The following HYDIN variants were observed in gnomAD, a reference collection of about 807,000 sequenced individuals.
HYDIN encodes HYDIN axonemal central pair apparatus protein, also known as axonemal central pair apparatus protein HYDIN.
In HYDIN, 132 loss-of-function variants were observed where a neutral mutation model predicts 403.9. The ratio of observed to expected loss-of-function variants is 0.33; its 90% CI spans 0.28 to 0.38. HYDIN has a LOEUF of 0.38. HYDIN is among the 10% of genes least tolerant of loss of function. The pLI is 1.00. For missense variants in HYDIN, 2,827 were observed against 5,009.5 expected, an observed-to-expected ratio of 0.56 and a Z score of 13.15; for synonymous variants, 1,202 against 1,891.7, an observed-to-expected ratio of 0.64 and a Z score of 9.46.
At chr16:70,912,010 G>A (rs1261450638) in intron 47 of HYDIN, among the ~76,000 whole-genome samples, 1 of 151,738 alleles carries the variant, frequency 6.6e-6, no homozygotes, top group Non-Finnish European at 1.5e-5. Context: ...ATCTTTCTAG[G>A]GAGTCTTCAG....
intron 9 of HYDIN, 68 bp from the exon 10 acceptor site, chr16:71,115,863 T>C: frequency 1.2e-6 from 1 of 836,402 alleles, no homozygotes; most frequent in Non-Finnish European, 2.0e-6. Context: ...TAAGTGTTAT[T>C]ACATTAAAAC....
At chr16:71,084,338 G>A (rs2082871115) in intron 12 of HYDIN, among the ~76,000 whole-genome samples, 1 of 131,042 alleles carries the variant, frequency 7.6e-6, no homozygotes, top group African/African-American at 3.4e-5. Flanking sequence ...CTGATTATCT[G>A]AAAACTATTG....
intron 23 of HYDIN, among the ~76,000 whole-genome samples, chr16:71,002,371 C>A (rs2079747512): frequency 6.6e-6 from 1 of 151,876 alleles, no homozygotes; most frequent in African/African-American, 2.4e-5. Flanking sequence ...CATAATGAGA[C>A]CCCCATCTCT....
chr16:71,127,325 TC>T (rs923354052), intron 9 of HYDIN, among the ~76,000 whole-genome samples: 1 of 138,780 alleles, frequency 7.2e-6, no homozygotes, highest in Non-Finnish European at 1.5e-5. Flanking sequence ...TGGCATCACC[TC>T]CCCCCCGACA....
chr16:70,825,029 G>C (rs1351029017), intron 83 of HYDIN, among the ~76,000 whole-genome samples: 1 of 151,780 alleles, frequency 6.6e-6, no homozygotes, highest in East Asian at 1.9e-4. Context: ...CAAAGTGTTG[G>C]GATTACAGAG....
chr16:71,000,901 C>T (rs1309255225), intron 23 of HYDIN, among the ~76,000 whole-genome samples: 3 of 152,222 alleles, frequency 2.0e-5, no homozygotes, highest in Admixed American at 6.5e-5. Context: ...CTAACAGTAT[C>T]GTATTTGTAA....
chr16:70,962,077 C>T lies in HYDIN; in HGVS notation c.5850G>A (p.Leu1950=), dbSNP rs2078436867. ...GTSNSTKRTS[L]SRGISVTSNL... ...TGGATGTGACAGAGATCCCTCGGCT[C>T]AGCGATGTCCTCTTTGTGCTATTGG... Residue 1950 remains leucine (L), a synonymous_variant, in exon 38 of 86, where the codon CTG becomes CTA. Transcript: ENST00000393567. The T allele has an allele frequency of 5.9e-6, 6 of 1,024,538 alleles. No individual in the cohort carries two copies. The highest frequency in any genetic ancestry group is 8.6e-6 in the Non-Finnish European group (6 of 698,082). The allele number at this position is 1,024,538 out of a possible 1,614,324, so 63.5% of individuals were successfully genotyped here. A position where few individuals can be genotyped will look rare whatever the true frequency, so the allele number is the denominator to read the frequency against.
At chr16:71,124,565 C>A (rs2084378065) in intron 9 of HYDIN, among the ~76,000 whole-genome samples, 1 of 150,234 alleles carries the variant, frequency 6.7e-6, no homozygotes, top group Admixed American at 6.6e-5. Flanking sequence ...TTCTCTGATG[C>A]ATTTGAAGAT....
intron 10 of HYDIN, among the ~76,000 whole-genome samples, chr16:71,100,459 C>A (rs926621435): frequency 6.6e-6 from 1 of 151,998 alleles, no homozygotes; most frequent in Non-Finnish European, 1.5e-5. Flanking sequence ...GAAGGAAAAA[C>A]AAATTGGGAG....
At chr16:71,073,848 C>T (rs1156794845) in intron 13 of HYDIN, among the ~76,000 whole-genome samples, 18 of 152,136 alleles carry the variant, frequency 1.2e-4, no homozygotes, top group African/African-American at 4.3e-4. Context: ...CTGACTCTCT[C>T]ATGCTACTGC....
At chr16:71,071,700 G>A (rs555484207) in intron 13 of HYDIN, among the ~76,000 whole-genome samples, 8 of 151,952 alleles carry the variant, frequency 5.3e-5, no homozygotes, top group Non-Finnish European at 7.4e-5. Flanking sequence ...AACTAGCAGC[G>A]GAAGATCACA....
intron 39 of HYDIN, among the ~76,000 whole-genome samples, chr16:70,957,351 G>A (rs2143938777): frequency 6.8e-6 from 1 of 146,970 alleles, no homozygotes. Flanking sequence ...TTTTGAGATG[G>A]AGTCTCGCCC....
chr16:71,187,009 G>T, intron 1 of HYDIN, 91 bp from the exon 2 acceptor site: 1 of 788,190 alleles, frequency 1.3e-6, no homozygotes, highest in Non-Finnish European at 2.0e-6. Context: ...AATACAGGAA[G>T]GTTTAGAAAA....
chr16:71,176,140 C>T (rs1340465270), intron 4 of HYDIN, among the ~76,000 whole-genome samples: 1 of 125,780 alleles, frequency 8.0e-6, no homozygotes, highest in East Asian at 1.9e-4. Context: ...CTCATCTCTA[C>T]TAAAAATACA....
intron 5 of HYDIN, among the ~76,000 whole-genome samples, chr16:71,171,810 A>T (rs2086474588): frequency 6.6e-6 from 1 of 152,222 alleles, no homozygotes; most frequent in African/African-American, 2.4e-5. Context: ...TCTCATCTGT[A>T]GGCTAACCTC....
At chr16:70,917,887 C>T (rs1203062687) in intron 47 of HYDIN, among the ~76,000 whole-genome samples, 3 of 151,694 alleles carry the variant, frequency 2.0e-5, no homozygotes, top group East Asian at 1.9e-4. Context: ...GCTAGTTTTG[C>T]TTATTTTCTT....
intron 41 of HYDIN, among the ~76,000 whole-genome samples, chr16:70,950,745 G>A (rs1376197007): frequency 6.6e-6 from 1 of 151,846 alleles, no homozygotes; most frequent in Non-Finnish European, 1.5e-5. Context: ...AGGCTATAAC[G>A]AGATCCACCC....
intron 45 of HYDIN, among the ~76,000 whole-genome samples, chr16:70,928,823 T>TG (rs1344236201): frequency 3.0e-5 from 3 of 100,702 alleles, no homozygotes; most frequent in Non-Finnish European, 6.2e-5. Flanking sequence ...GAAGGCAAAT[T>TG]GAGAGGGATG....
rs1388206934 is a variant in HYDIN, at chr16:71,084,381, C to T, written c.1670+3920G>A. 6.8e-5 allele frequency among the ~76,000 whole-genome samples: 7 copies of T among 102,870 alleles called. 3 individuals carry two copies. Among genetic ancestry groups the T allele is most frequent in the Non-Finnish European group, 1.2e-4 (7 of 57,876 alleles). The allele number at this position is 102,870 out of a possible 152,430, so 67.5% of individuals were successfully genotyped here. Reference sequence around the variant, plus strand: ...GGTTTTTGGATATGGATATTTAACCCTATCTTTTTGTTTGTTTGTTTTTGA... The same window carrying T: ...GGTTTTTGGATATGGATATTTAACCTTATCTTTTTGTTTGTTTGTTTTTGA... On this transcript the variant is annotated intron_variant, in intron 12 of 85. Transcript: ENST00000393567.
Sources: allele counts gnomAD v4.1 joint callset (sites outside exome capture counted in the v4.1 genomes callset), GRCh38; gene constraint gnomAD v4.1.1; transcripts MANE v1.5; gene names NCBI Gene and HGNC (gene_info 2026-07-23, HGNC 2026-07-21).